Variants in HEMK2 observed in about 807,000 individuals in gnomAD.
HEMK2 encodes methyltransferase HEMK2.
the HEMK2 span, among the ~76,000 whole-genome samples, chr21:28,718,517 G>C: frequency 6.6e-6 from 1 of 151,966 alleles, no homozygotes; most frequent in South Asian, 2.1e-4. Context: ...AATGTCAGTG[G>C]GATGTTGAAG....
At chr21:28,815,039 A>G in the HEMK2 span, among the ~76,000 whole-genome samples, 1 of 152,184 alleles carries the variant, frequency 6.6e-6, no homozygotes, top group Non-Finnish European at 1.5e-5. Flanking sequence ...ACCATGGAAT[A>G]CTATGCAGTC....
chr21:28,885,313 G>A, the HEMK2 span: 26 of 1,587,684 alleles, frequency 1.6e-5, no homozygotes, highest in East Asian at 5.1e-4. Flanking sequence ...CCACGTGCCC[G>A]TGGAACGGCG....
At chr21:28,737,629 T>C in the HEMK2 span, among the ~76,000 whole-genome samples, 1 of 151,820 alleles carries the variant, frequency 6.6e-6, no homozygotes, top group African/African-American at 2.4e-5. Context: ...AGCTGCTCTA[T>C]GATTCCCCAG....
At chr21:28,804,026 G>A in the HEMK2 span, among the ~76,000 whole-genome samples, 1,230 of 152,238 alleles carry the variant, frequency 8.1e-3, 19 homozygotes, top group African/African-American at 0.028. Context: ...TATTCCTCAG[G>A]AAATTCATAC....
At chr21:28,859,090 GTTT>G in the HEMK2 span, among the ~76,000 whole-genome samples, 1 of 152,052 alleles carries the variant, frequency 6.6e-6, no homozygotes, top group Non-Finnish European at 1.5e-5. Flanking sequence ...TTTGTTGGTT[GTTT>G]GTTATTTCTA....
chr21:28,584,351 G>T, the HEMK2 span, among the ~76,000 whole-genome samples: 1 of 152,078 alleles, frequency 6.6e-6, no homozygotes, highest in Admixed American at 6.6e-5. Flanking sequence ...AGTAATAATG[G>T]AATCAGTACT....
the HEMK2 span, among the ~76,000 whole-genome samples, chr21:28,866,773 A>G: frequency 6.6e-6 from 1 of 152,204 alleles, no homozygotes; most frequent in Non-Finnish European, 1.5e-5. Flanking sequence ...GACACGATTG[A>G]GTAGAAAATG....
the HEMK2 span, among the ~76,000 whole-genome samples, chr21:28,619,015 AGGC>A: frequency 6.6e-6 from 1 of 152,166 alleles, no homozygotes; most frequent in African/African-American, 2.4e-5. Context: ...TCACTAGCGT[AGGC>A]CTTAACTTAA....
At chr21:28,865,951 C>T in the HEMK2 span, among the ~76,000 whole-genome samples, 11,738 of 151,288 alleles carry the variant, frequency 0.078, 1,088 homozygotes, top group African/African-American at 0.21. Context: ...CTCTGTCACC[C>T]GGGCTAGACA....
At chr21:28,783,237 T>A in the HEMK2 span, among the ~76,000 whole-genome samples, 1 of 151,924 alleles carries the variant, frequency 6.6e-6, no homozygotes, top group Non-Finnish European at 1.5e-5. Flanking sequence ...CAGGATGGAG[T>A]GCAATGGTGA....
chr21:28,878,411 A>G, the HEMK2 span: 8 of 1,532,484 alleles, frequency 5.2e-6, no homozygotes, highest in Admixed American at 5.2e-5. Context: ...TTGACAAGTA[A>G]TATCACCAAA....
At chr21:28,692,198 T>G in the HEMK2 span, among the ~76,000 whole-genome samples, 2 of 152,194 alleles carry the variant, frequency 1.3e-5, no homozygotes, top group Non-Finnish European at 2.9e-5. Flanking sequence ...GGACATTCTA[T>G]GATTCCATAT....
the HEMK2 span, among the ~76,000 whole-genome samples, chr21:28,688,652 T>G: frequency 6.6e-6 from 1 of 152,256 alleles, no homozygotes; most frequent in East Asian, 1.9e-4. Flanking sequence ...TTAGCATTAT[T>G]ATCAGAGCTG....
the HEMK2 span, among the ~76,000 whole-genome samples, chr21:28,838,977 A>ATATATATATATATG: frequency 2.6e-5 from 1 of 38,994 alleles, no homozygotes; most frequent in Non-Finnish European, 4.2e-5. Context: ...AAAAAAATAT[A>ATATATATATATATG]TATATATATA....
At chr21:28,843,563 C>T in the HEMK2 span, among the ~76,000 whole-genome samples, 1 of 152,126 alleles carries the variant, frequency 6.6e-6, no homozygotes, top group African/African-American at 2.4e-5. Flanking sequence ...AAACTTCAAT[C>T]AGAACCCAAT....
chr21:28,885,291 A>G, the HEMK2 span: 55 of 1,592,502 alleles, frequency 3.5e-5, no homozygotes, highest in Middle Eastern at 1.7e-4. Context: ...ACGTCGCTGA[A>G]GGCGCCGCGG....
the HEMK2 span, among the ~76,000 whole-genome samples, chr21:28,728,157 A>G: frequency 6.6e-6 from 1 of 152,238 alleles, no homozygotes; most frequent in Non-Finnish European, 1.5e-5. Context: ...GCAATAGGAA[A>G]CTAATTCAGT....
At chr21:28,745,982 G>A in the HEMK2 span, among the ~76,000 whole-genome samples, 3 of 152,170 alleles carry the variant, frequency 2.0e-5, no homozygotes, top group Non-Finnish European at 4.4e-5. Flanking sequence ...CTGAAATAGA[G>A]CCAGGTGAGA....
the HEMK2 span, among the ~76,000 whole-genome samples, chr21:28,675,811 C>T: frequency 2.6e-5 from 4 of 152,184 alleles, no homozygotes; most frequent in African/African-American, 4.8e-5. Flanking sequence ...ACACACTTTT[C>T]CTCACCCGCA....
Sources: allele counts gnomAD v4.1 joint callset (sites outside exome capture counted in the v4.1 genomes callset), GRCh38; gene constraint gnomAD v4.1.1; transcripts MANE v1.5; gene names NCBI Gene and HGNC (gene_info 2026-07-23, HGNC 2026-07-21).